PTPN3: variants seen among roughly 807,000 people sequenced by gnomAD.
The protein encoded by PTPN3 is tyrosine-protein phosphatase non-receptor type 3.
PTPN3 carries 96 observed loss-of-function variants against 132.7 expected under a neutral mutation model. That is an observed-to-expected ratio of 0.72 (90% CI 0.61 to 0.86). The LOEUF is 0.86. Among genes scored for constraint, PTPN3 ranks in the 40% least tolerant of loss-of-function variants. The pLI is 0.00. For synonymous variants in PTPN3, 398 were observed against 429.0 expected, an observed-to-expected ratio of 0.93 and a Z score of 0.89; for missense variants, 1,125 against 1,159.6, an observed-to-expected ratio of 0.97 and a Z score of 0.43.
the PTPN3 span, among the ~76,000 whole-genome samples, chr9:109,512,234 AC>A: frequency 1.3e-5 from 2 of 152,208 alleles, no homozygotes; most frequent in East Asian, 1.9e-4. Context: ...CCAGATTCTC[AC>A]CCCTGACCTA....
the PTPN3 span, among the ~76,000 whole-genome samples, chr9:109,511,122 C>T: frequency 2.0e-5 from 3 of 152,188 alleles, no homozygotes; most frequent in East Asian, 1.9e-4. Flanking sequence ...TATGACTATC[C>T]TATGGGAGGT....
Position 109,378,966 on chromosome 9 carries a change from TG to T in PTPN3, c.*589del. On this transcript the variant is annotated 3_prime_UTR_variant, in exon 26 of 26. Transcript: ENST00000374541. ...ACACAATTCTCAGAAACATGAATATTGGAAGTCGCTGGGAGATGGGACAAAG... is the reference window on the plus strand; with the variant it reads ...ACACAATTCTCAGAAACATGAATATTGAAGTCGCTGGGAGATGGGACAAAG... 6.6e-6 allele frequency: 1 copy of T among 152,472 alleles called. No individual in the cohort carries two copies. The highest frequency in any genetic ancestry group is 1.5e-5 in the Non-Finnish European group (1 of 68,188). The allele number at this position is 152,472 out of a possible 1,614,324, so 9.4% of individuals were successfully genotyped here.
At chr9:109,423,475 G>A (rs187913475) in intron 12 of PTPN3, among the ~76,000 whole-genome samples, 4 of 152,144 alleles carry the variant, frequency 2.6e-5, no homozygotes, top group East Asian at 1.9e-4. Context: ...GTATAGTGGC[G>A]CATGCCTATA....
rs1838737837 is a variant in PTPN3, at chr9:109,378,233, A to G, written c.*1323T>C. ...ATAAAAACCGCTGTTCAAAAATACC[A>G]CATTAAATGTTTACACAATTTATTT... On this transcript the variant is annotated 3_prime_UTR_variant, in exon 26 of 26. Transcript: ENST00000374541. 1 of 152,246 alleles carries G rather than the reference A, an allele frequency of 6.6e-6. No individual in the cohort carries two copies. The highest frequency in any genetic ancestry group is 2.1e-4 in the South Asian group (1 of 4,820). The allele number at this position is 152,246 out of a possible 1,614,324, so 9.4% of individuals were successfully genotyped here. A position where few individuals can be genotyped will look rare whatever the true frequency, so the allele number is the denominator to read the frequency against.
intron 14 of PTPN3, among the ~76,000 whole-genome samples, chr9:109,412,782 C>T (rs766232845): frequency 1.3e-5 from 2 of 152,150 alleles, no homozygotes; most frequent in African/African-American, 4.8e-5. Flanking sequence ...GCTGGGATTA[C>T]AGGTGTGAGC....
At chr9:109,518,912 A>C in the PTPN3 span, among the ~76,000 whole-genome samples, 1 of 152,146 alleles carries the variant, frequency 6.6e-6, no homozygotes, top group South Asian at 2.1e-4. Flanking sequence ...AAGAAAAAGC[A>C]TACTTTAAAG....
chr9:109,448,447 C>T (rs1352974788), intron 6 of PTPN3, among the ~76,000 whole-genome samples: 3 of 152,102 alleles, frequency 2.0e-5, no homozygotes, highest in African/African-American at 4.8e-5. Context: ...ATGAGTCATC[C>T]GTGGGTACTA....
chr9:109,489,776 T>G (rs1263033031), intron 1 of PTPN3, among the ~76,000 whole-genome samples: 1 of 151,976 alleles, frequency 6.6e-6, no homozygotes, highest in African/African-American at 2.4e-5. Flanking sequence ...TGCTTGTATA[T>G]CTGCAAGGAC....
the PTPN3 span, among the ~76,000 whole-genome samples, chr9:109,525,584 A>G: frequency 6.6e-6 from 1 of 152,206 alleles, no homozygotes; most frequent in African/African-American, 2.4e-5. Flanking sequence ...TTTATGTGCA[A>G]CCAGGATTGG....
At chr9:109,399,649 ATTCCCT>A (rs1840899214) in intron 19 of PTPN3, among the ~76,000 whole-genome samples, 1 of 151,074 alleles carries the variant, frequency 6.6e-6, no homozygotes, top group African/African-American at 2.4e-5. Flanking sequence ...CATAAAGGGA[ATTCCCT>A]TTATGAAAAA....
chr9:109,478,462 T>G (rs978605979), intron 1 of PTPN3, among the ~76,000 whole-genome samples: 1 of 152,124 alleles, frequency 6.6e-6, no homozygotes, highest in African/African-American at 2.4e-5. Context: ...AGAGCTCAGA[T>G]GTCAGAAAGA....
the PTPN3 span, among the ~76,000 whole-genome samples, chr9:109,506,666 A>C: frequency 1.4e-5 from 2 of 147,684 alleles, no homozygotes; most frequent in East Asian, 4.0e-4. Flanking sequence ...GCAGAGGTAC[A>C]TTCTCAGCTC....
chr9:109,460,348 C>T (rs997373846), intron 2 of PTPN3, among the ~76,000 whole-genome samples: 1 of 152,138 alleles, frequency 6.6e-6, no homozygotes, highest in African/African-American at 2.4e-5. Flanking sequence ...TCATCATCTC[C>T]GCCCTGGACT....
At chr9:109,440,300 G>T (rs772719738) in intron 7 of PTPN3, among the ~76,000 whole-genome samples, 2 of 152,256 alleles carry the variant, frequency 1.3e-5, no homozygotes, top group Non-Finnish European at 2.9e-5. Context: ...AGGCTATGTG[G>T]CTGGTGAGTT....
the PTPN3 span, among the ~76,000 whole-genome samples, chr9:109,537,665 C>T: frequency 1.1e-4 from 17 of 152,220 alleles, no homozygotes; most frequent in South Asian, 8.3e-4. Flanking sequence ...CTTCCTGACA[C>T]GCCAATTGTG....
At chr9:109,497,001 T>C (rs544217815) in intron 1 of PTPN3, among the ~76,000 whole-genome samples, 1 of 152,366 alleles carries the variant, frequency 6.6e-6, no homozygotes, top group African/African-American at 2.4e-5. Context: ...ATTTGCAAGA[T>C]GGATCATCTT....
chr9:109,516,837 G>C, the PTPN3 span, among the ~76,000 whole-genome samples: 1 of 152,168 alleles, frequency 6.6e-6, no homozygotes, highest in Non-Finnish European at 1.5e-5. Flanking sequence ...GGTAGACCTG[G>C]TTACTGAAGA....
chr9:109,516,109 A>G, the PTPN3 span, among the ~76,000 whole-genome samples: 1 of 152,216 alleles, frequency 6.6e-6, no homozygotes, highest in Non-Finnish European at 1.5e-5. Flanking sequence ...TAATGAAGCC[A>G]TCTGTCCTAG....
intron 2 of PTPN3, among the ~76,000 whole-genome samples, chr9:109,459,609 T>G (rs1348430049): frequency 1.3e-5 from 2 of 152,140 alleles, no homozygotes; most frequent in South Asian, 4.2e-4. Flanking sequence ...TGGAGTGCAG[T>G]GGTACAATTA....
Sources: allele counts gnomAD v4.1 joint callset (sites outside exome capture counted in the v4.1 genomes callset), GRCh38; gene constraint gnomAD v4.1.1; transcripts MANE v1.5; gene names NCBI Gene and HGNC (gene_info 2026-07-23, HGNC 2026-07-21).